DACH1: variants seen among roughly 807,000 people sequenced by gnomAD.
DACH1 encodes the protein dachshund family transcription factor 1, also known as dachshund homolog 1.
In DACH1, 12 loss-of-function variants were observed where a neutral mutation model predicts 54.2. The observed-to-expected ratio is 0.22, with a 90% CI of 0.14 to 0.36. DACH1 has a LOEUF of 0.36. Ranked by LOEUF, DACH1 falls within the 10% of genes least tolerant of loss-of-function variation. The pLI is 1.00. For synonymous variants in DACH1, 386 were observed against 366.2 expected (o/e 1.05, Z -0.62); for missense variants, 805 against 929.8 (o/e 0.87, Z 1.75).
At chr13:71,655,448 G>A (rs972362372) in intron 2 of DACH1, among the ~76,000 whole-genome samples, 22 of 148,564 alleles carry the variant, frequency 1.5e-4, no homozygotes, top group African/African-American at 4.7e-4. Flanking sequence ...TCGGCTCACC[G>A]CAACCTCTGC....
At chr13:71,461,853 T>C (rs952599093) in intron 10 of DACH1, among the ~76,000 whole-genome samples, 27 of 151,982 alleles carry the variant, frequency 1.8e-4, no homozygotes, top group African/African-American at 6.5e-4. Flanking sequence ...ACATCAAAAT[T>C]ATTAATATAA....
At chr13:71,776,817 C>G (rs2138050915) in intron 1 of DACH1, among the ~76,000 whole-genome samples, 1 of 152,210 alleles carries the variant, frequency 6.6e-6, no homozygotes, top group Non-Finnish European at 1.5e-5. Context: ...CTTTGTCACT[C>G]ACTGGTAATT....
chr13:71,700,539 C>G (rs1275449869), intron 1 of DACH1, among the ~76,000 whole-genome samples: 1 of 127,410 alleles, frequency 7.8e-6, no homozygotes, highest in African/African-American at 3.1e-5. Flanking sequence ...CTGGGTGACA[C>G]ACAGCAAGAC....
intron 1 of DACH1, among the ~76,000 whole-genome samples, chr13:71,859,527 T>C (rs12585866): frequency 0.086 from 13,127 of 151,874 alleles, 1,464 homozygotes; most frequent in East Asian, 0.57. Flanking sequence ...AACTAATTTA[T>C]AGTGGATTGA....
chr13:71,589,680 A>G (rs1873552341), intron 3 of DACH1, among the ~76,000 whole-genome samples: 2 of 152,080 alleles, frequency 1.3e-5, no homozygotes, highest in African/African-American at 2.4e-5. Context: ...ACCTAAAAAG[A>G]CCTGATATGA....
intron 10 of DACH1, among the ~76,000 whole-genome samples, chr13:71,465,108 C>T (rs185723252): frequency 5.3e-5 from 8 of 152,086 alleles, no homozygotes; most frequent in African/African-American, 1.9e-4. Flanking sequence ...TAGGATAATG[C>T]ACTATAAGCA....
Position 71,660,117 on chromosome 13 carries a change from A to T in DACH1, c.964+21678T>A, listed in dbSNP as rs201793968. ...AAAACTAACATAGCCTGCTGTAGGG[A>T]ATTAAAAATAAACAAAATAAAATAA... On this transcript the variant is annotated intron_variant, in intron 2 of 10. Coordinates refer to ENST00000613252, the MANE Select transcript of DACH1 (RefSeq NM_080759.6). 5.7e-4 allele frequency among the ~76,000 whole-genome samples: 87 copies of T among 152,288 alleles called. No homozygotes were observed. In the East Asian group the frequency reaches 0.012, roughly 21 times the overall value.
At chr13:71,706,145 T>G (rs1263168510) in intron 1 of DACH1, among the ~76,000 whole-genome samples, 4 of 151,986 alleles carry the variant, frequency 2.6e-5, no homozygotes, top group Admixed American at 2.6e-4. Context: ...GAACTCACAA[T>G]AGAACCCTAT....
At chr13:71,608,114 TAA>T in intron 3 of DACH1, among the ~76,000 whole-genome samples, 1 of 151,918 alleles carries the variant, frequency 6.6e-6, no homozygotes, top group African/African-American at 2.4e-5. Flanking sequence ...AATTTATCCT[TAA>T]GAGAGATAAT....
chr13:71,562,691 A>G (rs978545702), intron 4 of DACH1, among the ~76,000 whole-genome samples: 6 of 152,112 alleles, frequency 3.9e-5, no homozygotes, highest in African/African-American at 1.2e-4. Context: ...AACAGTTTTA[A>G]AAAACAAACA....
intron 1 of DACH1, among the ~76,000 whole-genome samples, chr13:71,683,837 C>T (rs1881027287): frequency 6.6e-6 from 1 of 151,984 alleles, no homozygotes; most frequent in Admixed American, 6.6e-5. Flanking sequence ...ATATCTATAG[C>T]CCATATCTTT....
intron 1 of DACH1, among the ~76,000 whole-genome samples, chr13:71,791,913 T>A (rs1886847828): frequency 6.6e-6 from 1 of 152,166 alleles, no homozygotes; most frequent in African/African-American, 2.4e-5. Flanking sequence ...AAAGTCTAGC[T>A]CTAGCTAGCA....
At chr13:71,800,548 TAAAG>T (rs1230937202) in intron 1 of DACH1, among the ~76,000 whole-genome samples, 2 of 152,068 alleles carry the variant, frequency 1.3e-5, no homozygotes, top group Admixed American at 6.6e-5. Context: ...CGACTGCCTA[TAAAG>T]AAAGTAGGTA....
At chr13:71,714,965 A>G (rs562146909) in intron 1 of DACH1, among the ~76,000 whole-genome samples, 50 of 152,218 alleles carry the variant, frequency 3.3e-4, no homozygotes, top group African/African-American at 1.2e-3. Context: ...AACTGAGAAA[A>G]AAGGGATAGC....
At chr13:71,848,049 A>G (rs1005185566) in intron 1 of DACH1, among the ~76,000 whole-genome samples, 6 of 152,114 alleles carry the variant, frequency 3.9e-5, no homozygotes, top group African/African-American at 1.4e-4. Flanking sequence ...TAAATTTTGT[A>G]TTTAGTTTAA....
chr13:71,534,463 T>C (rs886595771), intron 6 of DACH1, among the ~76,000 whole-genome samples: 2 of 151,890 alleles, frequency 1.3e-5, no homozygotes, highest in Non-Finnish European at 2.9e-5. Flanking sequence ...TAAACCATTA[T>C]GAAAAGTAAA....
intron 3 of DACH1, among the ~76,000 whole-genome samples, chr13:71,576,830 G>A (rs982586236): frequency 6.6e-6 from 1 of 152,066 alleles, no homozygotes; most frequent in African/African-American, 2.4e-5. Flanking sequence ...CTAGAAGACA[G>A]AAGCTAGCTC....
At chr13:71,493,072 C>T (rs1257443269) in intron 6 of DACH1, among the ~76,000 whole-genome samples, 1 of 149,928 alleles carries the variant, frequency 6.7e-6, no homozygotes, top group Non-Finnish European at 1.5e-5. Flanking sequence ...GAAGTGGCCT[C>T]TAAGAGGGAC....
intron 3 of DACH1, among the ~76,000 whole-genome samples, chr13:71,616,323 C>T (rs964217228): frequency 8.5e-5 from 13 of 152,116 alleles, no homozygotes; most frequent in African/African-American, 3.1e-4. Context: ...GCATGAAGGA[C>T]AGGTATGCAT....
Sources: allele counts gnomAD v4.1 joint callset (sites outside exome capture counted in the v4.1 genomes callset), GRCh38; gene constraint gnomAD v4.1.1; transcripts MANE v1.5; gene names NCBI Gene and HGNC (gene_info 2026-07-23, HGNC 2026-07-21).